The following GPR39 variants were observed in gnomAD, a reference collection of about 807,000 sequenced individuals.
GPR39 encodes G protein-coupled receptor 39, also known as zinc sensing receptor.
GPR39 carries 23 observed loss-of-function variants against 18.4 expected under a neutral mutation model. The observed-to-expected ratio is 1.25, with a 90% CI of 0.90 to 1.77. The LOEUF is 1.77. Ranked by LOEUF, GPR39 falls within the 40% of genes most tolerant of loss-of-function variation. The pLI, the probability that GPR39 is intolerant of heterozygous loss-of-function variation, is 0.00. For synonymous variants in GPR39, 280 were observed against 257.9 expected, an observed-to-expected ratio of 1.09 and a Z score of -0.82; for missense variants, 647 against 602.4, an observed-to-expected ratio of 1.07 and a Z score of -0.78.
At chr2:132,523,122 T>TG (rs1216902024) in intron 1 of GPR39, among the ~76,000 whole-genome samples, 1 of 152,258 alleles carries the variant, frequency 6.6e-6, no homozygotes, top group Non-Finnish European at 1.5e-5. Flanking sequence ...GGAGGCAGCC[T>TG]GCCAAGAATT....
intron 1 of GPR39, among the ~76,000 whole-genome samples, chr2:132,569,263 C>CT (rs1680401920): frequency 6.6e-6 from 1 of 152,096 alleles, no homozygotes; most frequent in Non-Finnish European, 1.5e-5. Context: ...TTTTGAAAGA[C>CT]TGAACAAGTT....
At chr2:132,618,654 T>G (rs1681380709) in intron 1 of GPR39, among the ~76,000 whole-genome samples, 1 of 152,120 alleles carries the variant, frequency 6.6e-6, no homozygotes, top group Admixed American at 6.5e-5. Flanking sequence ...AGGCCACACA[T>G]GCACCAGGGA....
At chr2:132,522,371 A>G (rs1216567140) in intron 1 of GPR39, among the ~76,000 whole-genome samples, 1 of 152,220 alleles carries the variant, frequency 6.6e-6, no homozygotes, top group African/African-American at 2.4e-5. Context: ...AGAGAATGCT[A>G]GACATCAATA....
At chr2:132,439,521 T>C (rs974133625) in intron 1 of GPR39, among the ~76,000 whole-genome samples, 2 of 152,150 alleles carry the variant, frequency 1.3e-5, no homozygotes, top group Non-Finnish European at 2.9e-5. Context: ...TGTTCTTATC[T>C]TTTCCATATA....
chr2:132,472,261 A>C (rs1681045878), intron 1 of GPR39, among the ~76,000 whole-genome samples: 1 of 152,168 alleles, frequency 6.6e-6, no homozygotes, highest in African/African-American at 2.4e-5. Flanking sequence ...ATGGAAATTC[A>C]TGTGAGATAC....
chr2:132,595,243 C>A (rs972204782), intron 1 of GPR39, among the ~76,000 whole-genome samples: 10 of 152,048 alleles, frequency 6.6e-5, no homozygotes, highest in Non-Finnish European at 1.5e-5. Flanking sequence ...CATGATCTGC[C>A]CACCTGCCTC....
chr2:132,505,752 T>C (rs557614725), intron 1 of GPR39, among the ~76,000 whole-genome samples: 30 of 152,246 alleles, frequency 2.0e-4, no homozygotes, highest in Non-Finnish European at 4.0e-4. Flanking sequence ...TATGGCCATA[T>C]AGTAATCCAT....
chr2:132,555,076 C>G (rs185637513), intron 1 of GPR39, among the ~76,000 whole-genome samples: 120 of 152,094 alleles, frequency 7.9e-4, no homozygotes, highest in African/African-American at 2.8e-3. Flanking sequence ...CTCAGCCTCC[C>G]GAGTAGCTGG....
chr2:132,513,872 C>G (rs547719208), intron 1 of GPR39, among the ~76,000 whole-genome samples: 198 of 152,276 alleles, frequency 1.3e-3, no homozygotes, highest in Admixed American at 2.4e-3. Flanking sequence ...CGCCACCATG[C>G]CCAGCTAATA....
intron 1 of GPR39, among the ~76,000 whole-genome samples, chr2:132,430,891 G>A (rs1450804047): frequency 6.6e-6 from 1 of 152,210 alleles, no homozygotes; most frequent in Non-Finnish European, 1.5e-5. Context: ...GTTCCATGCA[G>A]ACTTTCCCCA....
intron 1 of GPR39, among the ~76,000 whole-genome samples, chr2:132,606,367 A>G (rs980084228): frequency 5.9e-5 from 9 of 152,244 alleles, no homozygotes; most frequent in African/African-American, 1.7e-4. Context: ...ATGTTCAGCT[A>G]GCAGCAAGTA....
At chr2:132,631,557 C>G (rs1246627732) in intron 1 of GPR39, among the ~76,000 whole-genome samples, 1 of 152,208 alleles carries the variant, frequency 6.6e-6, no homozygotes, top group East Asian at 1.9e-4. Flanking sequence ...CAGTGTGAGC[C>G]TGGCTCCTGT....
At chr2:132,479,308 G>A (rs914481033) in intron 1 of GPR39, among the ~76,000 whole-genome samples, 9 of 152,220 alleles carry the variant, frequency 5.9e-5, no homozygotes, top group African/African-American at 1.9e-4. Context: ...CATATGGTAA[G>A]AGCAAGCACC....
At chr2:132,515,542 G>A (rs866414203) in intron 1 of GPR39, among the ~76,000 whole-genome samples, 3 of 152,116 alleles carry the variant, frequency 2.0e-5, no homozygotes, top group African/African-American at 7.2e-5. Flanking sequence ...TGGTACCTTG[G>A]CATACTGAAT....
chr2:132,630,529 T>C (rs1681631557), intron 1 of GPR39, among the ~76,000 whole-genome samples: 1 of 152,190 alleles, frequency 6.6e-6, no homozygotes, highest in South Asian at 2.1e-4. Flanking sequence ...ATTCTGGACC[T>C]TATTCTAAGG....
intron 1 of GPR39, among the ~76,000 whole-genome samples, chr2:132,451,595 A>G (rs1680633864): frequency 1.3e-5 from 2 of 152,142 alleles, no homozygotes; most frequent in Non-Finnish European, 2.9e-5. Flanking sequence ...AACCTGGCAG[A>G]TTAATGTTCT....
At chr2:132,478,186 G>A (rs1558810168) in intron 1 of GPR39, among the ~76,000 whole-genome samples, 1 of 152,308 alleles carries the variant, frequency 6.6e-6, no homozygotes, top group East Asian at 1.9e-4. Flanking sequence ...AGGCAGCAAA[G>A]AAAAAGTCTG....
intron 1 of GPR39, among the ~76,000 whole-genome samples, chr2:132,566,445 C>T (rs1392596639): frequency 6.6e-6 from 1 of 152,092 alleles, no homozygotes; most frequent in Non-Finnish European, 1.5e-5. Context: ...GTTGCCATTG[C>T]TTAGTTTCCT....
chr2:132,491,558 T>C (rs1408563670), intron 1 of GPR39, among the ~76,000 whole-genome samples: 1 of 151,886 alleles, frequency 6.6e-6, no homozygotes, highest in Non-Finnish European at 1.5e-5. Context: ...TGGCATGCAA[T>C]GACCAAAGGC....
Sources: allele counts gnomAD v4.1 joint callset (sites outside exome capture counted in the v4.1 genomes callset), GRCh38; gene constraint gnomAD v4.1.1; transcripts MANE v1.5; gene names NCBI Gene and HGNC (gene_info 2026-07-23, HGNC 2026-07-21).